Variants in COL4A4 observed in about 807,000 individuals in gnomAD.
COL4A4 encodes the protein collagen alpha-4(IV) chain.
Under a neutral mutation model 192.9 loss-of-function variants are expected in COL4A4, and 105 were observed. The ratio of observed to expected loss-of-function variants is 0.54; its 90% CI spans 0.46 to 0.64. COL4A4 has a LOEUF of 0.64. COL4A4 is among the 30% of genes least tolerant of loss of function. COL4A4 has a pLI of 0.00. For synonymous variants in COL4A4, 762 were observed against 769.9 expected (o/e 0.99, Z 0.17); for missense variants, 1,967 against 2,169.3 (o/e 0.91, Z 1.85).
rs985521562 is a variant in COL4A4 at position 227,118,827 on chromosome 2, T to C, written c.373-66A>G. The C allele has an allele frequency of 1.0e-5, 10 of 972,032 alleles. No homozygotes were observed. In the African/African-American group the frequency reaches 1.1e-4, roughly 11 times the overall value. 60.2% of individuals were successfully genotyped at this position (972,032 alleles called of 1,614,324 possible). On this transcript the variant is annotated intron_variant, in intron 6 of 47. Coordinates refer to ENST00000396625, the MANE Select transcript of COL4A4 (RefSeq NM_000092.5). ...ATATCATTACATAAAGGTTATGCAA[T>C]ATGAATACTCAAATTATGGCAATTG...
rs1240399600 is a variant in COL4A4, at chr2:227,027,964, C to T, written c.4019G>A (p.Gly1340Glu). 6.2e-7 allele frequency: 1 copy of T among 1,613,692 alleles called. No homozygotes were observed. Among genetic ancestry groups the T allele is most frequent in the Admixed American group, 1.7e-5 (1 of 59,958 alleles). ...PGPQGPHGFP[G>E]PPGEKGLPGP... ...AGGTAAACCCTTCTCTCCAGGTGGC[C>T]CAGGAAATCCATGTGGTCCCTGCGG... Residue 1340 changes from glycine to glutamate, a missense_variant, in exon 42 of 48, where the codon GGG (glycine) becomes GAG (glutamate). Coordinates refer to ENST00000396625, the MANE Select transcript of COL4A4 (RefSeq NM_000092.5).
chr2:226,999,568 G>A (rs1224069174), downstream of COL4A4, among the ~76,000 whole-genome samples: 2 of 152,234 alleles, frequency 1.3e-5, no homozygotes, highest in East Asian at 3.8e-4. Context: ...GGCAGAGAGA[G>A]AATGATCTTA....
At position 227,050,063 on chromosome 2, in the gene COL4A4, CA is replaced by C. The variant is rs1178976913; in HGVS notation, c.3214+4del. 6.2e-7 allele frequency: 1 copy of C among 1,613,940 alleles called. No homozygotes were observed. Among genetic ancestry groups the C allele is most frequent in the Admixed American group, 1.7e-5 (1 of 60,020 alleles). ...ACAGATGGCTTCTGTATCTCCAAAC[CA>C]TACCTTTAGGTCCTCTTGCTCCATC... On this transcript the variant is annotated splice_donor_region_variant and intron_variant, in intron 34 of 47. Coordinates refer to ENST00000396625, the MANE Select transcript of COL4A4 (RefSeq NM_000092.5).
At chr2:226,990,233 TAAC>T in the COL4A4 span, among the ~76,000 whole-genome samples, 1 of 152,182 alleles carries the variant, frequency 6.6e-6, no homozygotes, top group African/African-American at 2.4e-5. Flanking sequence ...GTAAATGACT[TAAC>T]AACCATCCTT....
chr2:227,015,346 C>G (rs964134461), intron 44 of COL4A4, among the ~76,000 whole-genome samples: 3 of 152,182 alleles, frequency 2.0e-5, no homozygotes, highest in Non-Finnish European at 2.9e-5. Flanking sequence ...GGACCAGCAG[C>G]AGCAGCGGCA....
At chr2:227,105,190 T>A (rs969009517) in intron 12 of COL4A4, among the ~76,000 whole-genome samples, 2 of 118,238 alleles carry the variant, frequency 1.7e-5, no homozygotes, top group African/African-American at 4.7e-5. Flanking sequence ...GGATCCTGAT[T>A]TTTTTTTTTT....
At chr2:226,993,750 T>A in the COL4A4 span, among the ~76,000 whole-genome samples, 1 of 152,136 alleles carries the variant, frequency 6.6e-6, no homozygotes, top group African/African-American at 2.4e-5. Flanking sequence ...AAAAAAGGGG[T>A]TGGCTTTGAC....
chr2:227,141,828 C>T (rs755417402), intron 3 of COL4A4, among the ~76,000 whole-genome samples: 3 of 151,694 alleles, frequency 2.0e-5, no homozygotes, highest in Admixed American at 6.6e-5. Flanking sequence ...AAATTAAATG[C>T]CCGGGCCCAG....
intron 44 of COL4A4, 76 bp from the exon 45 acceptor site, chr2:227,012,373 G>T: frequency 1.7e-6 from 2 of 1,172,666 alleles, no homozygotes; most frequent in Non-Finnish European, 2.5e-6. Context: ...TATACCGTAT[G>T]CCAGCCGTGT....
At chr2:226,978,363 G>T in the COL4A4 span, among the ~76,000 whole-genome samples, 13 of 152,266 alleles carry the variant, frequency 8.5e-5, no homozygotes, top group African/African-American at 3.1e-4. Context: ...AGTAGAGAAA[G>T]GTTGGATGGT....
At position 227,060,101 on chromosome 2, in the gene COL4A4, GAAAAAAAA is replaced by G. The variant is rs71422223; in HGVS notation, c.2164+27_2164+34del. On this transcript the variant is annotated intron_variant, in intron 27 of 47. Transcript: ENST00000396625. Reference sequence around the variant, plus strand: ...GTTCCTGATAGATATTCCCAAAGCAGAAAAAAAAAAAAAAAAAAAAAAAACCTCACTGA... The same window carrying G: ...GTTCCTGATAGATATTCCCAAAGCAGAAAAAAAAAAAAAAAACCTCACTGA... The G allele has an allele frequency of 1.9e-4, 94 of 505,728 alleles. 1 individual carries two copies. The highest frequency in any genetic ancestry group is 1.7e-3 in the Middle Eastern group (3 of 1,748). The allele number at this position is 505,728 out of a possible 1,614,324, so 31.3% of individuals were successfully genotyped here. A position where few individuals can be genotyped will look rare whatever the true frequency, so the allele number is the denominator to read the frequency against.
intron 4 of COL4A4, among the ~76,000 whole-genome samples, chr2:227,131,345 C>T (rs943042805): frequency 2.6e-5 from 4 of 151,902 alleles, no homozygotes; most frequent in Non-Finnish European, 5.9e-5. Context: ...TTAGTAGAGA[C>T]AGGTTTTCGC....
At chr2:227,082,474 G>A (rs1160364032) in intron 22 of COL4A4, among the ~76,000 whole-genome samples, 1 of 152,220 alleles carries the variant, frequency 6.6e-6, no homozygotes, top group African/African-American at 2.4e-5. Flanking sequence ...ACAGTGTACT[G>A]TGGTTATGTA....
intron 12 of COL4A4, 135 bp downstream of exon 12, chr2:227,108,446 A>G (rs1255720409): frequency 1.2e-6 from 1 of 839,090 alleles, no homozygotes; most frequent in Non-Finnish European, 2.0e-6. Context: ...ATAATTCGGC[A>G]AAGAAAAGTT....
chr2:227,152,983 A>C (rs1297922627), intron 1 of COL4A4, among the ~76,000 whole-genome samples: 3 of 152,234 alleles, frequency 2.0e-5, no homozygotes, highest in African/African-American at 7.2e-5. Flanking sequence ...ATTGACTCAC[A>C]GTTCCACATG....
intron 25 of COL4A4, among the ~76,000 whole-genome samples, chr2:227,077,287 C>T (rs1465356685): frequency 1.3e-5 from 2 of 152,174 alleles, no homozygotes; most frequent in African/African-American, 2.4e-5. Context: ...GGCATATATA[C>T]ACCATGGTAT....
rs370383308 is a variant in COL4A4, at chr2:227,059,466, A to G, written c.2322T>C (p.Gly774=). The change falls in exon 28 of 48, where the codon GGT becomes GGC. Residue 774 remains glycine, a synonymous_variant. Coordinates refer to ENST00000396625, the MANE Select transcript of COL4A4 (RefSeq NM_000092.5). ...FGHLGPPGKR[G]LSGVPGIKGP... The stretch of plus-strand genomic sequence containing the variant: ...CTTTTATCCCTGGCACTCCTGAAAG[A>G]CCCCTCTTTCCCGGGGGTCCCAGGT... The G allele has an allele frequency of 6.2e-7, 1 of 1,613,694 alleles. No individual in the cohort carries two copies. Among genetic ancestry groups the G allele is most frequent in the South Asian group, 1.1e-5 (1 of 91,042 alleles).
chr2:227,128,265 C>T (rs1052314253), intron 4 of COL4A4, among the ~76,000 whole-genome samples: 14 of 152,278 alleles, frequency 9.2e-5, no homozygotes, highest in Admixed American at 5.2e-4. Context: ...ATGCCATGCC[C>T]GGAGTGACGT....
chr2:226,973,350 G>T, the COL4A4 span, among the ~76,000 whole-genome samples: 2 of 152,206 alleles, frequency 1.3e-5, no homozygotes, highest in African/African-American at 4.8e-5. Context: ...TGCTAGAGAT[G>T]CTGGTGACCA....
Sources: allele counts gnomAD v4.1 joint callset (sites outside exome capture counted in the v4.1 genomes callset), GRCh38; gene constraint gnomAD v4.1.1; transcripts MANE v1.5; gene names NCBI Gene and HGNC (gene_info 2026-07-23, HGNC 2026-07-21).